The following ALDH3A2 variants were observed in gnomAD, a reference collection of about 807,000 sequenced individuals.
ALDH3A2 encodes the protein aldehyde dehydrogenase 3 family member A2, also known as aldehyde dehydrogenase family 3 member A2.
A neutral mutation model predicts 51.3 loss-of-function variants in ALDH3A2; 36 were observed. The ratio of observed to expected loss-of-function variants is 0.70; its 90% CI spans 0.54 to 0.93. The LOEUF (loss-of-function observed/expected upper bound fraction) is 0.93. Ranked by LOEUF, ALDH3A2 falls within the 40% of genes least tolerant of loss-of-function variation. The probability of loss-of-function intolerance (pLI) is 0.00; values close to 1 mark genes in which losing one functional copy is unlikely to be tolerated. For missense variants in ALDH3A2, 552 were observed against 603.1 expected (o/e 0.92, Z 0.89); for synonymous variants, 199 against 219.8 (o/e 0.91, Z 0.84).
chr17:19,672,589 G>A (rs949145440), intron 9 of ALDH3A2, among the ~76,000 whole-genome samples: 4 of 152,154 alleles, frequency 2.6e-5, no homozygotes, highest in Non-Finnish European at 5.9e-5. Flanking sequence ...AGATGAAAGA[G>A]GAAATCCGTA....
At chr17:19,656,080 T>C in intron 3 of ALDH3A2, 1 of 433,620 alleles carries the variant, frequency 2.3e-6, no homozygotes, top group East Asian at 4.9e-5. Context: ...TTTTCCCTGG[T>C]CAAATTCAAC....
At chr17:19,666,068 C>T (rs568155729) in intron 8 of ALDH3A2, among the ~76,000 whole-genome samples, 2 of 152,018 alleles carry the variant, frequency 1.3e-5, no homozygotes, top group East Asian at 3.9e-4. Flanking sequence ...CGGGAAGAGG[C>T]CAATTGGTAG....
In ALDH3A2 at chr17:19,648,836, T is replaced by G; in HGVS notation, c.-136T>G. The G allele has an allele frequency of 1.6e-6, 2 of 1,216,278 alleles. No individual in the cohort carries two copies. Among genetic ancestry groups the G allele is most frequent in the Non-Finnish European group, 2.3e-6 (2 of 870,418 alleles). The allele number at this position is 1,216,278 out of a possible 1,614,324, so 75.3% of individuals were successfully genotyped here. ...AGCGAGCGAGCCCTGGGCGAGTGAA[T>G]TGTGGCTGTGGGTTGACGGTGGAGA... On this transcript the variant is annotated 5_prime_UTR_variant, in exon 1 of 10. Transcript: ENST00000176643.
chr17:19,650,939 T>C (rs1346696506), intron 1 of ALDH3A2, among the ~76,000 whole-genome samples: 1 of 152,218 alleles, frequency 6.6e-6, no homozygotes, highest in African/African-American at 2.4e-5. Flanking sequence ...GGCTGTGATA[T>C]TAAATAAACA....
At chr17:19,667,849 G>A (rs939624288) in intron 8 of ALDH3A2, among the ~76,000 whole-genome samples, 7 of 152,032 alleles carry the variant, frequency 4.6e-5, no homozygotes, top group East Asian at 1.9e-4. Context: ...GTGAGCCATC[G>A]CACCCAGCCT....
intron 7 of ALDH3A2, 138 bp from the exon 8 acceptor site, chr17:19,664,810 G>A (rs982522227): frequency 6.3e-5 from 44 of 695,082 alleles, no homozygotes; most frequent in Admixed American, 3.7e-4. Flanking sequence ...CCCCAAACTC[G>A]AGAATTTTCA....
At chr17:19,649,176 G>A in intron 1 of ALDH3A2, 52 bp downstream of exon 1, 1 of 1,529,104 alleles carries the variant, frequency 6.5e-7, no homozygotes, top group Non-Finnish European at 8.8e-7. Flanking sequence ...CCGCGCACTT[G>A]TGGACTGGAG....
At chr17:19,652,701 T>C in intron 3 of ALDH3A2, 69 bp downstream of exon 3, 1 of 1,272,278 alleles carries the variant, frequency 7.9e-7, no homozygotes, top group Non-Finnish European at 1.2e-6. Context: ...ATTTTCTTGC[T>C]ATTGCATGTT....
chr17:19,648,694 C>G (rs571000418), upstream of ALDH3A2: 127 of 517,196 alleles, frequency 2.5e-4, no homozygotes, highest in South Asian at 1.6e-3. Flanking sequence ...AGGCCGTGAA[C>G]AGCGGCTGTC....
At chr17:19,652,806 G>A (rs2084834661) in intron 3 of ALDH3A2, 174 bp downstream of exon 3, 1 of 635,586 alleles carries the variant, frequency 1.6e-6, no homozygotes, top group Non-Finnish European at 2.8e-6. Flanking sequence ...AGTGTATTTT[G>A]TGTGGAGTCA....
At chr17:19,663,203 A>G in intron 6 of ALDH3A2, 130 bp from the exon 7 acceptor site, 2 of 1,080,628 alleles carry the variant, frequency 1.9e-6, no homozygotes, top group Admixed American at 3.8e-5. Context: ...CGTGCTCAGG[A>G]TTTTTCAATA....
chr17:19,673,374 GTTTTTA>G (rs1423168043), intron 9 of ALDH3A2: 5 of 1,416,576 alleles, frequency 3.5e-6, no homozygotes, highest in Non-Finnish European at 4.7e-6. Flanking sequence ...TTTTGTTTTT[GTTTTTA>G]TTTTTGTTTT....
At chr17:19,657,925 C>T (rs1262440828) in intron 5 of ALDH3A2, 63 bp downstream of exon 5, 7 of 1,293,720 alleles carry the variant, frequency 5.4e-6, no homozygotes, top group South Asian at 1.2e-5. Flanking sequence ...ATTAACTATT[C>T]GCAGGCAGCA....
In ALDH3A2 at chr17:19,668,682, G is replaced by C. The variant is rs2085072025; in HGVS notation, c.1208-3039G>C. The stretch of plus-strand genomic sequence containing the variant: ...GCACACACCTGTAATCCCAGCACTT[G>C]GGGAGGCCAAGGCACCTGGCTAACA... On this transcript the variant is annotated intron_variant, in intron 8 of 9. Transcript: ENST00000176643. 7.3e-5 allele frequency among the ~76,000 whole-genome samples: 6 copies of C among 82,662 alleles called. 2 individuals carry two copies. The South Asian group carries it at 3.3e-3, about 45-fold the overall frequency. The allele number at this position is 82,662 out of a possible 152,430, so 54.2% of individuals were successfully genotyped here. A position where few individuals can be genotyped will look rare whatever the true frequency, so the allele number is the denominator to read the frequency against.
intron 5 of ALDH3A2, among the ~76,000 whole-genome samples, chr17:19,658,969 C>T (rs1006578060): frequency 2.0e-5 from 3 of 151,476 alleles, no homozygotes; most frequent in Non-Finnish European, 4.4e-5. Flanking sequence ...TGGTGGCTCA[C>T]GCCTGTAATC....
Position 19,670,677 on chromosome 17 carries a change from C to T in ALDH3A2, c.1208-1044C>T, listed in dbSNP as rs150656841. 2.0e-3 allele frequency among the ~76,000 whole-genome samples: 305 copies of T among 152,284 alleles called. 4 individuals are homozygous for T. The East Asian group carries it at 0.047, about 23-fold the overall frequency. On this transcript the variant is annotated intron_variant, in intron 8 of 9. Transcript: ENST00000176643. ...TCCCAGGTTCAAGCAATTCTCCTACCTCAGCCTCCCAGGTAGCTGGGACTA... is the reference window on the plus strand; with the variant it reads ...TCCCAGGTTCAAGCAATTCTCCTACTTCAGCCTCCCAGGTAGCTGGGACTA...
intron 3 of ALDH3A2, 43 bp from the exon 4 acceptor site, chr17:19,656,323 A>G: frequency 6.6e-7 from 1 of 1,508,600 alleles, no homozygotes; most frequent in South Asian, 1.1e-5. Context: ...AGACGTTAGG[A>G]TTTATTTGGC....
Position 19,671,865 on chromosome 17 carries a change from G to A in ALDH3A2, c.1352G>A (p.Gly451Glu). The A allele has an allele frequency of 1.9e-6, 3 of 1,614,198 alleles. No individual in the cohort carries two copies. Among genetic ancestry groups the A allele is most frequent in the Non-Finnish European group, 2.5e-6 (3 of 1,180,032 alleles). The change falls in exon 9 of 10, where the codon GGA becomes GAA. Residue 451 changes from glycine to glutamate, a missense_variant. Physicochemically the swap from Gly to Glu is moderately conservative, Grantham distance 98. Transcript: ENST00000176643. ...PPNSQSKVDWGKFFLLKRFNK... is the reference protein window; with the variant it reads ...PPNSQSKVDWEKFFLLKRFNK... ...AACAGCCAGTCAAAGGTGGATTGGGGAAAATTTTTTCTCTTGAAACGGTTC... is the reference window on the plus strand; with the variant it reads ...AACAGCCAGTCAAAGGTGGATTGGGAAAAATTTTTTCTCTTGAAACGGTTC...
intron 3 of ALDH3A2, among the ~76,000 whole-genome samples, chr17:19,653,863 G>A (rs992166897): frequency 3.3e-5 from 5 of 152,160 alleles, no homozygotes; most frequent in Non-Finnish European, 7.3e-5. Context: ...TTTACAGAGA[G>A]CTGATTGGTC....
Sources: gnomAD v4.1 joint callset for allele counts (sites outside exome capture counted in the v4.1 genomes callset) on GRCh38, gnomAD v4.1.1 for gene constraint, MANE v1.5 for transcripts, NCBI Gene and HGNC (gene_info 2026-07-23, HGNC 2026-07-21) for gene names.